RASEF: variants seen among roughly 807,000 people sequenced by gnomAD.
RASEF encodes the protein ras and EF-hand domain-containing protein.
A neutral mutation model predicts 90.1 loss-of-function variants in RASEF; 68 were observed. The ratio of observed to expected loss-of-function variants is 0.75; its 90% confidence interval spans 0.62 to 0.92. RASEF has a LOEUF of 0.92. Ranked by LOEUF, RASEF falls within the 40% of genes least tolerant of loss-of-function variation. The probability of loss-of-function intolerance (pLI) is 0.00; values close to 1 mark genes in which losing one functional copy is unlikely to be tolerated. For missense variants in RASEF, 949 were observed against 937.2 expected (o/e 1.01, Z -0.16); for synonymous variants, 331 against 345.2 (o/e 0.96, Z 0.46).
At chr9:83,087,919 T>C in the RASEF span, among the ~76,000 whole-genome samples, 1 of 152,154 alleles carries the variant, frequency 6.6e-6, no homozygotes, top group Non-Finnish European at 1.5e-5. Context: ...TTTCACTGCA[T>C]ACCATAAGGT....
chr9:82,986,061 A>G (rs1828704726), intron 16 of RASEF, among the ~76,000 whole-genome samples: 1 of 152,320 alleles, frequency 6.6e-6, no homozygotes, highest in East Asian at 1.9e-4. Flanking sequence ...TGGTTCCAGA[A>G]GCTGTGTGGA....
At chr9:83,157,643 A>C in the RASEF span, among the ~76,000 whole-genome samples, 6 of 152,228 alleles carry the variant, frequency 3.9e-5, no homozygotes, top group Admixed American at 3.9e-4. Context: ...TAAGATAAAG[A>C]AGTTTTCTCA....
At chr9:82,987,037 T>C (rs1191922632) in intron 16 of RASEF, among the ~76,000 whole-genome samples, 2 of 152,182 alleles carry the variant, frequency 1.3e-5, no homozygotes, top group Admixed American at 1.3e-4. Context: ...TGCAAACCCA[T>C]ACCTTCTCCT....
intron 1 of RASEF, among the ~76,000 whole-genome samples, chr9:83,046,641 A>T (rs1829935515): frequency 6.6e-6 from 1 of 152,188 alleles, no homozygotes; most frequent in Non-Finnish European, 1.5e-5. Context: ...CCTAAAATGG[A>T]TTTTCTAAAC....
At chr9:82,990,561 T>C (rs983201192) in intron 15 of RASEF, 94 bp from the exon 16 acceptor site, 3 of 847,768 alleles carry the variant, frequency 3.5e-6, no homozygotes, top group African/African-American at 1.7e-5. Context: ...AATATGTTCC[T>C]ACTGAGCATG....
the RASEF span, among the ~76,000 whole-genome samples, chr9:83,098,652 C>T: frequency 6.6e-6 from 1 of 152,184 alleles, no homozygotes. Context: ...TTAATTGACT[C>T]ACAGTGTCAC....
the RASEF span, among the ~76,000 whole-genome samples, chr9:83,135,255 C>A: frequency 2.0e-5 from 3 of 151,974 alleles, no homozygotes; most frequent in African/African-American, 7.3e-5. Context: ...AGACAAAAAA[C>A]CAAACACTGC....
the RASEF span, among the ~76,000 whole-genome samples, chr9:83,103,086 C>G: frequency 6.6e-6 from 1 of 152,214 alleles, no homozygotes; most frequent in Admixed American, 6.5e-5. Context: ...AAGAAGGGAT[C>G]CTCTGCTCTG....
At chr9:83,152,401 T>G in the RASEF span, among the ~76,000 whole-genome samples, 5 of 152,182 alleles carry the variant, frequency 3.3e-5, no homozygotes, top group African/African-American at 1.2e-4. Context: ...AGGGCCCTTA[T>G]ACACCATCTC....
chr9:83,070,149 A>C, the RASEF span, among the ~76,000 whole-genome samples: 1 of 151,476 alleles, frequency 6.6e-6, no homozygotes, highest in Non-Finnish European at 1.5e-5. Context: ...ATGAAATTCA[A>C]CTTATCAGTT....
chr9:83,178,792 C>T, the RASEF span, among the ~76,000 whole-genome samples: 1 of 152,158 alleles, frequency 6.6e-6, no homozygotes, highest in African/African-American at 2.4e-5. Flanking sequence ...GTCTGCCTCC[C>T]TTCTCAACTC....
chr9:83,076,181 ATC>A, the RASEF span, among the ~76,000 whole-genome samples: 1 of 151,442 alleles, frequency 6.6e-6, no homozygotes, highest in Non-Finnish European at 1.5e-5. Flanking sequence ...AAAAAAAAAA[ATC>A]TAAAGCCACT....
At chr9:83,146,460 ATTGCTGCTACTTGC>A in the RASEF span, among the ~76,000 whole-genome samples, 3 of 152,140 alleles carry the variant, frequency 2.0e-5, no homozygotes, top group Non-Finnish European at 4.4e-5. Context: ...GTAGAGTAGA[ATTGCTGCTACTTGC>A]TTGTTATTAC....
chr9:83,015,007 C>T (rs951095989), intron 4 of RASEF, among the ~76,000 whole-genome samples: 1 of 152,186 alleles, frequency 6.6e-6, no homozygotes, highest in Non-Finnish European at 1.5e-5. Flanking sequence ...AAACTAATCA[C>T]ATCTTTGCTC....
the RASEF span, among the ~76,000 whole-genome samples, chr9:83,210,569 A>T: frequency 1.3e-5 from 2 of 152,076 alleles, no homozygotes; most frequent in Non-Finnish European, 2.9e-5. Flanking sequence ...ACCATATCTG[A>T]CCATTCCAGC....
At chr9:83,163,475 T>C in the RASEF span, among the ~76,000 whole-genome samples, 289 of 152,254 alleles carry the variant, frequency 1.9e-3, no homozygotes, top group African/African-American at 6.5e-3. Context: ...CTCTACTGGA[T>C]AAAGTAGACA....
At chr9:83,036,855 T>C (rs72740868) in intron 1 of RASEF, among the ~76,000 whole-genome samples, 2,682 of 152,248 alleles carry the variant, frequency 0.018, 36 homozygotes, top group Non-Finnish European at 0.027. Flanking sequence ...GAGTACAGGT[T>C]ACACGGGAAC....
At chr9:83,016,185 C>T (rs1829339677) in intron 3 of RASEF, among the ~76,000 whole-genome samples, 1 of 152,284 alleles carries the variant, frequency 6.6e-6, no homozygotes, top group South Asian at 2.1e-4. Flanking sequence ...TGATAGAGAC[C>T]ATAGCACATC....
chr9:83,125,663 A>G, the RASEF span, among the ~76,000 whole-genome samples: 1 of 152,274 alleles, frequency 6.6e-6, no homozygotes, highest in South Asian at 2.1e-4. Context: ...TTGTTAATGA[A>G]GTCGTTTTTT....
Sources: allele counts gnomAD v4.1 joint callset (sites outside exome capture counted in the v4.1 genomes callset), GRCh38; gene constraint gnomAD v4.1.1; transcripts MANE v1.5; gene names NCBI Gene and HGNC (gene_info 2026-07-23, HGNC 2026-07-21).